LRRC7: variants seen among roughly 807,000 people sequenced by gnomAD.
The protein encoded by LRRC7 is leucine rich repeat containing 7.
In LRRC7, 23 loss-of-function variants were observed where a neutral mutation model predicts 175.7. The ratio of observed to expected loss-of-function variants is 0.13; its 90% CI spans 0.09 to 0.19. The LOEUF is 0.19. LRRC7 is among the 10% of genes least tolerant of loss of function. The pLI is 1.00. For missense variants in LRRC7, 1,354 were observed against 1,904.7 expected, an observed-to-expected ratio of 0.71 and a Z score of 5.38; for synonymous variants, 685 against 680.9, an observed-to-expected ratio of 1.01 and a Z score of -0.09.
chr1:69,591,849 G>T (rs1246497510), intron 1 of LRRC7, among the ~76,000 whole-genome samples: 2 of 151,926 alleles, frequency 1.3e-5, no homozygotes, highest in African/African-American at 4.8e-5. Context: ...TCTGTTCAAG[G>T]TTGGTCTACT....
At chr1:69,718,623 G>C (rs913586915) in intron 2 of LRRC7, among the ~76,000 whole-genome samples, 1 of 151,740 alleles carries the variant, frequency 6.6e-6, no homozygotes, top group African/African-American at 2.4e-5. Context: ...AACATGTACT[G>C]AGTGAAAAGG....
intron 7 of LRRC7, among the ~76,000 whole-genome samples, chr1:69,910,806 C>T (rs1037907735): frequency 1.3e-5 from 2 of 152,196 alleles, no homozygotes; most frequent in African/African-American, 4.8e-5. Flanking sequence ...AGAGGTGGAG[C>T]CTACAGAGGC....
At chr1:70,060,727 G>C (rs1661517023) in intron 23 of LRRC7, among the ~76,000 whole-genome samples, 1 of 152,144 alleles carries the variant, frequency 6.6e-6, no homozygotes, top group African/African-American at 2.4e-5. Flanking sequence ...AAATAGAATT[G>C]TTTCTTATTT....
intron 7 of LRRC7, among the ~76,000 whole-genome samples, chr1:69,897,424 G>A (rs1280618217): frequency 6.6e-6 from 1 of 151,704 alleles, no homozygotes; most frequent in Admixed American, 6.6e-5. Flanking sequence ...TTTTTTCACA[G>A]CACTTACCAC....
At chr1:69,799,654 C>T (rs1676231796) in intron 4 of LRRC7, among the ~76,000 whole-genome samples, 1 of 152,004 alleles carries the variant, frequency 6.6e-6, no homozygotes, top group African/African-American at 2.4e-5. Context: ...CTATAGTTTG[C>T]AAATATTTTC....
chr1:69,588,180 G>A lies in LRRC7; in HGVS notation c.2+19539G>A, dbSNP rs371962129. Among the ~76,000 whole-genome samples the A allele has an allele frequency of 3.3e-5, 5 of 152,146 alleles. No homozygotes were observed. In the East Asian group the frequency reaches 5.8e-4, roughly 18 times the overall value. ...GGTTTTTTTCCTCTGTGTTTTGAAA[G>A]TGATTTACATACATTTCTACTGTAA... On this transcript the variant is annotated intron_variant, in intron 1 of 26. Transcript: ENST00000651989.
chr1:69,578,696 A>G (rs1365374869), intron 1 of LRRC7, among the ~76,000 whole-genome samples: 2 of 151,118 alleles, frequency 1.3e-5, no homozygotes, highest in East Asian at 3.9e-4. Flanking sequence ...ACAAGAACAA[A>G]AAACCAAACA....
At chr1:69,569,279 G>C (rs1469009557) in intron 1 of LRRC7, among the ~76,000 whole-genome samples, 7 of 152,192 alleles carry the variant, frequency 4.6e-5, no homozygotes, top group African/African-American at 1.4e-4. Flanking sequence ...GTGGGGGAGC[G>C]TGTTCCCTGG....
rs1224240690 is a variant in LRRC7, at chr1:70,038,489, C to G, written c.2665C>G (p.Pro889Ala). The G allele has an allele frequency of 6.2e-7, 1 of 1,613,958 alleles. No individual in the cohort carries two copies. Among genetic ancestry groups the G allele is most frequent in the Non-Finnish European group, 8.5e-7 (1 of 1,180,014 alleles). Residue 889 changes from proline (P) to alanine (A), a missense_variant, in exon 21 of 27, where the codon CCG (proline) becomes GCG (alanine). By Grantham distance (27) the Pro-to-Ala change is conservative. Coordinates refer to ENST00000651989, the MANE Select transcript of LRRC7 (RefSeq NM_001370785.2). ...PWQNWTRTPS[P>A]FEDRTAFPSK... The stretch of plus-strand genomic sequence containing the variant: ...GCAGAATTGGACCAGAACCCCTAGT[C>G]CGTTTGAAGACAGGACCGCTTTTCC...
intron 1 of LRRC7, among the ~76,000 whole-genome samples, chr1:69,573,035 C>T (rs779429731): frequency 1.2e-4 from 18 of 152,076 alleles, no homozygotes; most frequent in Non-Finnish European, 1.5e-4. Context: ...GTCATACTGC[C>T]TCCCCTACCA....
At chr1:69,734,602 T>C (rs1411000243) in intron 2 of LRRC7, among the ~76,000 whole-genome samples, 2 of 151,974 alleles carry the variant, frequency 1.3e-5, no homozygotes, top group Non-Finnish European at 2.9e-5. Flanking sequence ...TTTAAGTTCT[T>C]CTAAATTTTC....
At chr1:69,736,668 C>T (rs1668150719) in intron 2 of LRRC7, among the ~76,000 whole-genome samples, 1 of 151,964 alleles carries the variant, frequency 6.6e-6, no homozygotes, top group Non-Finnish European at 1.5e-5. Flanking sequence ...TATAGTAAAG[C>T]CATCACCTAT....
intron 3 of LRRC7, among the ~76,000 whole-genome samples, chr1:69,762,325 G>T (rs1414833456): frequency 1.3e-5 from 2 of 151,934 alleles, no homozygotes; most frequent in African/African-American, 4.8e-5. Flanking sequence ...AATAAATCTC[G>T]ATCTCTGCCC....
At chr1:69,798,017 GTTCAAGAGA>G (rs775025907) in intron 4 of LRRC7, among the ~76,000 whole-genome samples, 136 of 152,174 alleles carry the variant, frequency 8.9e-4, no homozygotes, top group Non-Finnish European at 1.7e-3. Flanking sequence ...TGCCTCTCAG[GTTCAAGAGA>G]TTCTCCTGCC....
At chr1:69,589,115 GGTGTGT>G (rs55678803) in intron 1 of LRRC7, among the ~76,000 whole-genome samples, 70,049 of 142,168 alleles carry the variant, frequency 0.49, 16,692 homozygotes, top group East Asian at 0.59. Context: ...TCATAAAAAG[GGTGTGT>G]GTGTGTGTGT....
intron 25 of LRRC7, among the ~76,000 whole-genome samples, chr1:70,105,877 A>G (rs1665109942): frequency 6.6e-6 from 1 of 152,168 alleles, no homozygotes. Flanking sequence ...AGGAAAACAG[A>G]TTAAAATATG....
chr1:69,824,678 G>C (rs1420067392), intron 4 of LRRC7, among the ~76,000 whole-genome samples: 2 of 152,058 alleles, frequency 1.3e-5, no homozygotes, highest in Non-Finnish European at 2.9e-5. Context: ...TGGTATTCTA[G>C]ATGAATGAAA....
At chr1:69,891,745 A>C (rs1645840635) in intron 7 of LRRC7, among the ~76,000 whole-genome samples, 1 of 152,204 alleles carries the variant, frequency 6.6e-6, no homozygotes, top group Admixed American at 6.5e-5. Context: ...AACGAAAAAA[A>C]AATCACTGAT....
At chr1:69,735,781 G>A (rs912558058) in intron 2 of LRRC7, among the ~76,000 whole-genome samples, 27 of 150,988 alleles carry the variant, frequency 1.8e-4, no homozygotes, top group Non-Finnish European at 3.1e-4. Context: ...TTTATTCCTC[G>A]CCCCTTTCTC....
Sources: allele counts gnomAD v4.1 joint callset (sites outside exome capture counted in the v4.1 genomes callset), GRCh38; gene constraint gnomAD v4.1.1; transcripts MANE v1.5; gene names NCBI Gene and HGNC (gene_info 2026-07-23, HGNC 2026-07-21).